Variants in GDAP1 observed in about 807,000 individuals in gnomAD.
The protein encoded by GDAP1 is ganglioside induced differentiation associated protein 1.
GDAP1 carries 34 observed loss-of-function variants against 40.1 expected under a neutral mutation model. That is an observed-to-expected ratio of 0.85 (90% CI 0.64 to 1.13). The LOEUF (loss-of-function observed/expected upper bound fraction) is 1.13, where lower values mean the gene tolerates loss of function less well. Ranked by LOEUF, GDAP1 falls within the 50% of genes most tolerant of loss-of-function variation. The pLI, the probability that GDAP1 is intolerant of heterozygous loss-of-function variation, is 0.00. For synonymous variants in GDAP1, 170 were observed against 157.4 expected, an observed-to-expected ratio of 1.08 and a Z score of -0.60; for missense variants, 374 against 433.7, an observed-to-expected ratio of 0.86 and a Z score of 1.22.
chr8:74,477,232 T>G (rs769789630), intron 2 of GDAP1, among the ~76,000 whole-genome samples: 26 of 152,244 alleles, frequency 1.7e-4, no homozygotes, highest in Non-Finnish European at 1.5e-5. Flanking sequence ...TTTCAACGTT[T>G]TCTTGAACCT....
At chr8:74,371,431 C>T (rs541039499), downstream of GDAP1, among the ~76,000 whole-genome samples, 9 of 152,170 alleles carry the variant, frequency 5.9e-5, no homozygotes, top group South Asian at 4.1e-4. Flanking sequence ...GAGGCCGAGG[C>T]GGGCGGATCA....
intron 2 of GDAP1, among the ~76,000 whole-genome samples, chr8:74,404,205 A>T (rs988992372): frequency 6.7e-6 from 1 of 149,846 alleles, no homozygotes; most frequent in African/African-American, 2.5e-5. Context: ...CTTAAAAAAA[A>T]TCCTGTCTTA....
intron 2 of GDAP1, among the ~76,000 whole-genome samples, chr8:74,444,192 GCA>G: frequency 9.2e-6 from 1 of 108,978 alleles, no homozygotes; most frequent in South Asian, 3.5e-4. Flanking sequence ...GCAGGCAAAT[GCA>G]CACACACACA....
intron 2 of GDAP1, among the ~76,000 whole-genome samples, chr8:74,437,750 CATATT>C (rs543883099): frequency 1.2e-3 from 183 of 152,164 alleles, no homozygotes; most frequent in African/African-American, 3.9e-3. Context: ...GAGATTAAAT[CATATT>C]ATAAGTCAAC....
In GDAP1 at chr8:74,403,533, C is replaced by G. The variant is rs905422612; in HGVS notation, c.165+52212C>G. 4.7e-5 allele frequency among the ~76,000 whole-genome samples: 7 copies of G among 150,106 alleles called. 1 individual carries two copies. The highest frequency in any genetic ancestry group is 7.4e-5 in the Non-Finnish European group (5 of 68,018). ...AATTTTCTTTTCTAAACAAGCTGGC[C>G]AAATATTTATAAGTTTTACACACTT... On this transcript the variant is annotated intron_variant, in intron 2 of 2. Transcript: ENST00000523640.
chr8:74,444,306 G>A lies in GDAP1; in HGVS notation c.166-44372G>A, dbSNP rs765697534. ...TATTTTTACCCAGAAGAGAAGATAC[G>A]TTAAACATAGACTATGTGGCATTCG... On this transcript the variant is annotated intron_variant, in intron 2 of 2. Transcript: ENST00000523640. Among the ~76,000 whole-genome samples, 73 of 151,660 alleles carry A rather than the reference G, an allele frequency of 4.8e-4. 1 individual carries two copies. The highest frequency in any genetic ancestry group is 1.3e-3 in the South Asian group (6 of 4,792).
rs769849747 is a variant in GDAP1 at position 74,355,653 on chromosome 8, T to G, written c.310+4187T>G. Among the ~76,000 whole-genome samples, 186 of 152,308 alleles carry G rather than the reference T, an allele frequency of 1.2e-3. 3 individuals carry two copies. The highest frequency in any genetic ancestry group is 1.4e-3 in the Admixed American group (22 of 15,302). The stretch of plus-strand genomic sequence containing the variant: ...CAATCTATCTATTGTACTCATAACC[T>G]CTTTAAATAAAATTTAACTTGGCTA... On this transcript the variant is annotated intron_variant, in intron 2 of 5. Coordinates refer to ENST00000220822, the MANE Select transcript of GDAP1 (RefSeq NM_018972.4).
At chr8:74,432,079 G>T (rs754217936) in intron 2 of GDAP1, among the ~76,000 whole-genome samples, 17 of 152,098 alleles carry the variant, frequency 1.1e-4, no homozygotes, top group Non-Finnish European at 2.5e-4. Flanking sequence ...TTTAATATAT[G>T]AATACTGGAA....
rs538689570 is a variant in GDAP1 at position 74,365,797 on chromosome 8, T to A, written c.*1430T>A. On this transcript the variant is annotated 3_prime_UTR_variant, in exon 6 of 6. Transcript: ENST00000220822. ...TATATGTTCCCGATTTACAAAAAAA[T>A]TAATAAAACCTCCAGAGTAAACTCA... The A allele has an allele frequency of 4.1e-4, 187 of 453,650 alleles. No individual in the cohort carries two copies. Among genetic ancestry groups the A allele is most frequent in the African/African-American group, 1.2e-3 (60 of 49,976 alleles). 28.1% of individuals were successfully genotyped at this position (453,650 alleles called of 1,614,324 possible). A position where few individuals can be genotyped will look rare whatever the true frequency, so the allele number is the denominator to read the frequency against.
chr8:74,469,598 A>G (rs1283778759), intron 2 of GDAP1, among the ~76,000 whole-genome samples: 4 of 146,296 alleles, frequency 2.7e-5, no homozygotes, highest in Admixed American at 6.9e-5. Flanking sequence ...AACCCCGGGG[A>G]GCGGAGCTTG....
chr8:74,481,291 G>T (rs1806707671), intron 2 of GDAP1, among the ~76,000 whole-genome samples: 1 of 152,186 alleles, frequency 6.6e-6, no homozygotes, highest in Non-Finnish European at 1.5e-5. Flanking sequence ...AGCCAGGGCA[G>T]GGCTAAGCCA....
At chr8:74,478,562 G>T (rs1452124646) in intron 2 of GDAP1, among the ~76,000 whole-genome samples, 2 of 152,142 alleles carry the variant, frequency 1.3e-5, no homozygotes, top group Non-Finnish European at 2.9e-5. Context: ...ACTGAGGGGT[G>T]CTCAGGTCAG....
chr8:74,393,232 A>G (rs1334281627), intron 2 of GDAP1, among the ~76,000 whole-genome samples: 3 of 152,218 alleles, frequency 2.0e-5, no homozygotes, highest in Non-Finnish European at 4.4e-5. Flanking sequence ...AAAGAGATTG[A>G]CAAAAACACA....
intron 2 of GDAP1, among the ~76,000 whole-genome samples, chr8:74,356,493 A>G (rs1489319658): frequency 2.0e-5 from 3 of 152,016 alleles, no homozygotes; most frequent in South Asian, 2.1e-4. Context: ...CTGGATGCAT[A>G]CAGTGAACTG....
intron 2 of GDAP1, among the ~76,000 whole-genome samples, chr8:74,396,134 G>A (rs1333112213): frequency 6.6e-6 from 1 of 151,908 alleles, no homozygotes; most frequent in African/African-American, 2.4e-5. Flanking sequence ...TAGAAACACT[G>A]GAATTTACAT....
intron 2 of GDAP1, among the ~76,000 whole-genome samples, chr8:74,389,325 T>C (rs1301500374): frequency 1.3e-5 from 2 of 152,194 alleles, no homozygotes; most frequent in Non-Finnish European, 2.9e-5. Context: ...GGTTTTTCCT[T>C]TCCATATTTA....
intron 4 of GDAP1, among the ~76,000 whole-genome samples, chr8:74,362,204 C>T (rs1809401435): frequency 1.3e-5 from 2 of 152,054 alleles, no homozygotes; most frequent in African/African-American, 4.8e-5. Flanking sequence ...ATGCTGGTTG[C>T]CAAAAAAGTT....
At chr8:74,409,036 G>A (rs1221481011) in intron 2 of GDAP1, among the ~76,000 whole-genome samples, 2 of 149,920 alleles carry the variant, frequency 1.3e-5, no homozygotes, top group Non-Finnish European at 2.9e-5. Flanking sequence ...TTTGGGGTAC[G>A]TGTAAAAATA....
intron 2 of GDAP1, among the ~76,000 whole-genome samples, chr8:74,406,715 A>G (rs1020145642): frequency 1.3e-5 from 2 of 150,158 alleles, no homozygotes; most frequent in Non-Finnish European, 1.5e-5. Context: ...TGAAGTTTGC[A>G]TAGTATTAAT....
Sources: gnomAD v4.1 joint callset for allele counts (sites outside exome capture counted in the v4.1 genomes callset) on GRCh38, gnomAD v4.1.1 for gene constraint, MANE v1.5 for transcripts, NCBI Gene and HGNC (gene_info 2026-07-23, HGNC 2026-07-21) for gene names.